The following KCNC2 variants were observed in gnomAD, a reference collection of about 807,000 sequenced individuals.
KCNC2 encodes the protein potassium voltage-gated channel subfamily C member 2, also known as voltage-gated potassium channel KCNC2.
Under a neutral mutation model 44.5 loss-of-function variants are expected in KCNC2, and 21 were observed. The ratio of observed to expected loss-of-function variants is 0.47; its 90% CI spans 0.33 to 0.68. KCNC2 has a LOEUF of 0.68. Among genes scored for constraint, KCNC2 ranks in the 30% least tolerant of loss-of-function variants. The probability of loss-of-function intolerance (pLI) is 0.01; values close to 1 mark genes in which losing one functional copy is unlikely to be tolerated. For missense variants in KCNC2, 589 were observed against 826.2 expected (o/e 0.71, Z 3.52); for synonymous variants, 391 against 339.1 (o/e 1.15, Z -1.68).
At chr12:75,150,718 A>T (rs932419885) in intron 2 of KCNC2, among the ~76,000 whole-genome samples, 4 of 151,922 alleles carry the variant, frequency 2.6e-5, no homozygotes, top group African/African-American at 9.7e-5. Context: ...TCTAATCAAG[A>T]TTTTATAGTT....
rs898070234 is a variant in KCNC2 at position 75,191,672 on chromosome 12, T to G, written c.687+15625A>C. Among the ~76,000 whole-genome samples, 18 of 148,760 alleles carry G rather than the reference T, an allele frequency of 1.2e-4. 1 individual carries two copies. In the South Asian group the frequency reaches 3.9e-3, roughly 32 times the overall value. On this transcript the variant is annotated intron_variant, in intron 2 of 4. Transcript: ENST00000549446. The stretch of plus-strand genomic sequence containing the variant: ...TTCACGCCATTCTCCTGCCTCAGCC[T>G]CCCGAGTAGCTGGGACTACAGGCGC...
At chr12:75,079,033 TAGTTTATTATGAAA>T (rs1345240829) in intron 2 of KCNC2, among the ~76,000 whole-genome samples, 3 of 152,126 alleles carry the variant, frequency 2.0e-5, no homozygotes, top group Non-Finnish European at 4.4e-5. Context: ...AAAAGCTTCA[TAGTTTATTATGAAA>T]AGTTTAAAAC....
intron 2 of KCNC2, among the ~76,000 whole-genome samples, chr12:75,143,328 C>T (rs989327390): frequency 1.3e-5 from 2 of 152,148 alleles, no homozygotes; most frequent in Non-Finnish European, 2.9e-5. Flanking sequence ...TACTCTACTG[C>T]CCATCCAGAA....
At chr12:75,171,727 T>C (rs1209295377) in intron 2 of KCNC2, among the ~76,000 whole-genome samples, 1 of 151,770 alleles carries the variant, frequency 6.6e-6, no homozygotes, top group East Asian at 1.9e-4. Context: ...TTAATAAGAA[T>C]TTACTGCATA....
chr12:75,186,091 A>ATAAG (rs1565675561), intron 2 of KCNC2, among the ~76,000 whole-genome samples: 1 of 150,798 alleles, frequency 6.6e-6, no homozygotes, highest in African/African-American at 2.4e-5. Context: ...AAATAAATAA[A>ATAAG]TAAAAATTTT....
At chr12:75,100,363 A>T (rs1226703691) in intron 2 of KCNC2, among the ~76,000 whole-genome samples, 1 of 151,972 alleles carries the variant, frequency 6.6e-6, no homozygotes, top group Non-Finnish European at 1.5e-5. Flanking sequence ...AGGAGACCTA[A>T]CTCCTTATTA....
intron 2 of KCNC2, among the ~76,000 whole-genome samples, chr12:75,058,113 A>G (rs568398608): frequency 2.0e-5 from 3 of 152,160 alleles, no homozygotes; most frequent in African/African-American, 7.2e-5. Flanking sequence ...ATGAACATAT[A>G]GTATCATTTT....
intron 2 of KCNC2, among the ~76,000 whole-genome samples, chr12:75,140,530 A>T (rs1291839935): frequency 6.6e-6 from 1 of 152,162 alleles, no homozygotes; most frequent in Non-Finnish European, 1.5e-5. Flanking sequence ...TCGAACATTG[A>T]TCTTGTTTGC....
rs767669355 is a variant in KCNC2, at chr12:75,207,939, C to G, written c.45G>C (p.Gly15=). 5 of 1,612,744 alleles carry G rather than the reference C, an allele frequency of 3.1e-6. No individual in the cohort carries two copies. The highest frequency in any genetic ancestry group is 4.2e-6 in the Non-Finnish European group (5 of 1,179,910). The change falls in exon 2 of 5, where the codon GGG becomes GGC. Residue 15 remains glycine (G), a synonymous_variant. Transcript: ENST00000549446. The surrounding 1 kb of genome is among the most constrained non-coding windows in gnomAD (Gnocchi z 4.1). ...TGCGGTAGGTTTCGTGCCGGGTGCC[C>G]CCGACATTGAGGATCACCCTCTCGT... The part of the protein sequence containing the change: ...ENNERVILNV[G]GTRHETYRST...
intron 2 of KCNC2, among the ~76,000 whole-genome samples, chr12:75,063,730 A>G (rs1204492613): frequency 6.6e-6 from 1 of 152,124 alleles, no homozygotes; most frequent in East Asian, 1.9e-4. Flanking sequence ...AGTGTTTGAG[A>G]TCTTTAAGTT....
rs139987500 is a variant in KCNC2, at chr12:75,149,203, C to CTG, written c.687+58092_687+58093dup. Among the ~76,000 whole-genome samples, 465 of 149,848 alleles carry CTG rather than the reference C, an allele frequency of 3.1e-3. 3 individuals carry two copies. Among genetic ancestry groups the CTG allele is most frequent in the African/African-American group, 7.8e-3 (321 of 41,088 alleles). ...AGTTGGAGGAACTCTGTATTTGTGT[C>CTG]TGTGTGTGTGTGTGTGTAAAGTATG... On this transcript the variant is annotated intron_variant, in intron 2 of 4. Transcript: ENST00000549446.
chr12:75,160,610 C>T (rs1229933090), intron 2 of KCNC2, among the ~76,000 whole-genome samples: 1 of 151,764 alleles, frequency 6.6e-6, no homozygotes, highest in African/African-American at 2.4e-5. Context: ...TTATACTTGC[C>T]TTCTAAAACA....
chr12:75,149,353 C>T (rs1890235446), intron 2 of KCNC2, among the ~76,000 whole-genome samples: 1 of 151,732 alleles, frequency 6.6e-6, no homozygotes, highest in African/African-American at 2.4e-5. Flanking sequence ...TGCATATTAG[C>T]CATCTCATTA....
intron 2 of KCNC2, among the ~76,000 whole-genome samples, chr12:75,171,058 T>C (rs1354404048): frequency 9.1e-6 from 1 of 110,210 alleles, no homozygotes; most frequent in East Asian, 2.4e-4. Context: ...GGCAGCTTAC[T>C]CCTTCAAAGC....
At chr12:75,095,110 T>G (rs1163452013) in intron 2 of KCNC2, among the ~76,000 whole-genome samples, 1 of 151,874 alleles carries the variant, frequency 6.6e-6, no homozygotes, top group Non-Finnish European at 1.5e-5. Flanking sequence ...ACTCCTTTTC[T>G]GTTTTACTGA....
intron 4 of KCNC2, among the ~76,000 whole-genome samples, chr12:75,045,990 A>T (rs1880461117): frequency 6.6e-6 from 1 of 151,852 alleles, no homozygotes; most frequent in African/African-American, 2.4e-5. Context: ...AACAGCAGAA[A>T]TCTATAACCT....
intron 2 of KCNC2, among the ~76,000 whole-genome samples, chr12:75,082,519 G>A (rs1019583511): frequency 9.6e-5 from 6 of 62,786 alleles, no homozygotes; most frequent in Admixed American, 2.4e-4. Flanking sequence ...AGTCACCCAC[G>A]AGATTTTTTT....
chr12:75,118,453 G>C (rs1887831176), intron 2 of KCNC2, among the ~76,000 whole-genome samples: 1 of 152,012 alleles, frequency 6.6e-6, no homozygotes, highest in South Asian at 2.1e-4. Context: ...CCCCTCTAAA[G>C]AGTGAAAATT....
At chr12:75,159,052 A>C (rs2137512954) in intron 2 of KCNC2, among the ~76,000 whole-genome samples, 1 of 145,918 alleles carries the variant, frequency 6.9e-6, no homozygotes, top group South Asian at 2.3e-4. Context: ...CTCTCTCCTA[A>C]GTGGGAGCTG....
Sources: allele counts gnomAD v4.1 joint callset (sites outside exome capture counted in the v4.1 genomes callset), GRCh38; gene constraint gnomAD v4.1.1; non-coding constraint Gnocchi (gnomAD v3.1); transcripts MANE v1.5; gene names NCBI Gene and HGNC (gene_info 2026-07-23, HGNC 2026-07-21).